The following GALNT14 variants were observed in gnomAD, a reference collection of about 807,000 sequenced individuals.
GALNT14 encodes the protein polypeptide N-acetylgalactosaminyltransferase 14.
GALNT14 carries 60 observed loss-of-function variants against 77.5 expected under a neutral mutation model. The observed-to-expected ratio is 0.77, with a 90% CI of 0.63 to 0.96. The LOEUF is 0.96. Among genes scored for constraint, GALNT14 ranks in the 40% least tolerant of loss-of-function variants. The pLI is 0.00. For missense variants in GALNT14, 710 were observed against 731.0 expected, an observed-to-expected ratio of 0.97 and a Z score of 0.33; for synonymous variants, 280 against 281.7, an observed-to-expected ratio of 0.99 and a Z score of 0.06.
chr2:31,008,801 T>C (rs565840722), intron 1 of GALNT14, among the ~76,000 whole-genome samples: 1 of 152,312 alleles, frequency 6.6e-6, no homozygotes, highest in African/African-American at 2.4e-5. Context: ...AATTGTGTGA[T>C]TACAGTGCAG....
Position 31,102,180 on chromosome 2 carries a change from A to ACC in GALNT14, c.129+35777_129+35778insGG, listed in dbSNP as rs1223475352. Among the ~76,000 whole-genome samples the ACC allele has an allele frequency of 7.6e-4, 109 of 143,364 alleles. 1 individual carries two copies. The highest frequency in any genetic ancestry group is 2.8e-3 in the African/African-American group (106 of 37,840). 94.1% of individuals were successfully genotyped at this position (143,364 alleles called of 152,430 possible). A position where few individuals can be genotyped will look rare whatever the true frequency, so the allele number is the denominator to read the frequency against. ...GTTTTCTAACTCATTAATCTCTTTT[A>ACC]TTTATTTTTTTCTGCTTTCCTTCTG... On this transcript the variant is annotated intron_variant, in intron 1 of 14. Coordinates refer to ENST00000349752, the MANE Select transcript of GALNT14 (RefSeq NM_024572.4).
chr2:30,888,631 T>C, the GALNT14 span, among the ~76,000 whole-genome samples: 1 of 151,808 alleles, frequency 6.6e-6, no homozygotes, highest in Non-Finnish European at 1.5e-5. Flanking sequence ...AGATGTAGGG[T>C]TGGGAGGCCG....
chr2:31,116,213 G>A (rs1678100864), intron 1 of GALNT14, among the ~76,000 whole-genome samples: 1 of 152,044 alleles, frequency 6.6e-6, no homozygotes, highest in South Asian at 2.1e-4. Context: ...AGAAATTGAA[G>A]TAGTAATTGG....
intron 2 of GALNT14, among the ~76,000 whole-genome samples, chr2:30,971,948 T>C (rs1668380732): frequency 6.6e-6 from 1 of 152,172 alleles, no homozygotes; most frequent in African/African-American, 2.4e-5. Flanking sequence ...ATTTCATCAA[T>C]GAGCAGTCAG....
At chr2:31,033,024 C>T (rs1198895472) in intron 1 of GALNT14, among the ~76,000 whole-genome samples, 1 of 152,142 alleles carries the variant, frequency 6.6e-6, no homozygotes, top group African/African-American at 2.4e-5. Context: ...GGTCCTGAAA[C>T]TGGGCACACT....
intron 1 of GALNT14, among the ~76,000 whole-genome samples, chr2:31,084,227 T>G (rs747117601): frequency 1.7e-4 from 26 of 152,140 alleles, no homozygotes; most frequent in Non-Finnish European, 3.4e-4. Context: ...GGAAACGGTC[T>G]CAGAGAGGTG....
At chr2:31,094,520 GCAATATGTGGC>G (rs1676910700) in intron 1 of GALNT14, among the ~76,000 whole-genome samples, 1 of 152,220 alleles carries the variant, frequency 6.6e-6, no homozygotes, top group African/African-American at 2.4e-5. Flanking sequence ...ACAGACATGG[GCAATATGTGGC>G]CAGAGGCTCT....
intron 1 of GALNT14, among the ~76,000 whole-genome samples, chr2:31,038,655 T>C (rs1351597098): frequency 6.6e-6 from 1 of 152,086 alleles, no homozygotes; most frequent in African/African-American, 2.4e-5. Context: ...AGGCTGTTGG[T>C]TTTTAAGACT....
chr2:30,961,221 T>A (rs1667672823), intron 3 of GALNT14, among the ~76,000 whole-genome samples: 1 of 152,254 alleles, frequency 6.6e-6, no homozygotes, highest in Non-Finnish European at 1.5e-5. Context: ...TTGACCTACT[T>A]CACAGGCTTT....
chr2:30,937,715 G>T (rs571117338), intron 9 of GALNT14, among the ~76,000 whole-genome samples: 1 of 152,162 alleles, frequency 6.6e-6, no homozygotes, highest in Non-Finnish European at 1.5e-5. Flanking sequence ...GAAAAGCCAG[G>T]ATAATCTGCT....
At chr2:31,043,683 T>A (rs1279874590) in intron 1 of GALNT14, among the ~76,000 whole-genome samples, 2 of 152,172 alleles carry the variant, frequency 1.3e-5, no homozygotes, top group African/African-American at 4.8e-5. Context: ...TGCTTTTCCA[T>A]AAATTATTTA....
intron 2 of GALNT14, among the ~76,000 whole-genome samples, chr2:30,970,998 G>A (rs751883008): frequency 5.3e-5 from 8 of 152,262 alleles, no homozygotes; most frequent in East Asian, 3.9e-4. Context: ...TCTGGTGCTC[G>A]TCCCTACAGT....
intron 1 of GALNT14, among the ~76,000 whole-genome samples, chr2:31,108,468 C>T (rs540129315): frequency 6.6e-6 from 1 of 152,318 alleles, no homozygotes; most frequent in African/African-American, 2.4e-5. Context: ...TTCCATCAGG[C>T]TGAAAACATC....
intron 13 of GALNT14, among the ~76,000 whole-genome samples, chr2:30,918,616 G>A (rs1045708060): frequency 4.6e-5 from 7 of 151,830 alleles, no homozygotes; most frequent in Admixed American, 1.3e-4. Context: ...AGGAAGGAAG[G>A]GTGGCATCGG....
At chr2:31,028,535 C>A (rs1672216971) in intron 1 of GALNT14, among the ~76,000 whole-genome samples, 1 of 152,240 alleles carries the variant, frequency 6.6e-6, no homozygotes, top group Non-Finnish European at 1.5e-5. Context: ...GAGCCGCCAC[C>A]ACCTGCCCTT....
intron 1 of GALNT14, among the ~76,000 whole-genome samples, chr2:31,010,339 C>G (rs1049420404): frequency 6.6e-6 from 1 of 152,196 alleles, no homozygotes; most frequent in South Asian, 2.1e-4. Context: ...GTAGCTCATG[C>G]CTGTAATCCC....
chr2:31,001,548 G>A (rs973116766), intron 1 of GALNT14, among the ~76,000 whole-genome samples: 3 of 152,148 alleles, frequency 2.0e-5, no homozygotes, highest in East Asian at 1.9e-4. Flanking sequence ...AGAAGCAAAT[G>A]TAAGTCCTAT....
At chr2:31,107,078 C>T (rs950976510) in intron 1 of GALNT14, among the ~76,000 whole-genome samples, 6 of 152,206 alleles carry the variant, frequency 3.9e-5, no homozygotes, top group Non-Finnish European at 8.8e-5. Flanking sequence ...TATATCTCAA[C>T]AAACATGTTA....
intron 2 of GALNT14, among the ~76,000 whole-genome samples, chr2:30,985,469 C>A (rs114382590): frequency 0.022 from 3,352 of 152,132 alleles, 117 homozygotes; most frequent in African/African-American, 0.077. Flanking sequence ...GTGGCCAAGA[C>A]AAAAATAACT....
Sources: allele counts gnomAD v4.1 joint callset (sites outside exome capture counted in the v4.1 genomes callset), GRCh38; gene constraint gnomAD v4.1.1; transcripts MANE v1.5; gene names NCBI Gene and HGNC (gene_info 2026-07-23, HGNC 2026-07-21).